The following RIMBP2 variants were observed in gnomAD, a reference collection of about 807,000 sequenced individuals.
RIMBP2 encodes RIMS binding protein 2.
RIMBP2 carries 48 observed loss-of-function variants against 118.6 expected under a neutral mutation model. That is an observed-to-expected ratio of 0.40 (90% CI 0.32 to 0.51). RIMBP2 has a LOEUF of 0.51. Ranked by LOEUF, RIMBP2 falls within the 20% of genes least tolerant of loss-of-function variation. The probability of loss-of-function intolerance (pLI) is 0.41; values close to 1 mark genes in which losing one functional copy is unlikely to be tolerated. For synonymous variants in RIMBP2, 762 were observed against 742.9 expected, an observed-to-expected ratio of 1.03 and a Z score of -0.42; for missense variants, 1,551 against 1,768.3, an observed-to-expected ratio of 0.88 and a Z score of 2.20.
rs1478962455 is a variant in RIMBP2, at chr12:130,585,930, AAG to A, written c.-217+42390_-217+42391del. On this transcript the variant is annotated intron_variant, in intron 2 of 22. Coordinates refer to ENST00000690449, the MANE Select transcript of RIMBP2 (RefSeq NM_001393629.1). ...ACTAAAAACAAAGCGTCCCTGAGAA[AAG>A]AGAGGAGGAAATGGGCCAAAGTACC... Among the ~76,000 whole-genome samples, 3 of 152,324 alleles carry A rather than the reference AAG, an allele frequency of 2.0e-5. No individual in the cohort carries two copies. The East Asian group carries it at 5.8e-4, about 29-fold the overall frequency.
chr12:130,589,586 G>A (rs1269093867), intron 2 of RIMBP2, among the ~76,000 whole-genome samples: 2 of 152,180 alleles, frequency 1.3e-5, no homozygotes, highest in Non-Finnish European at 2.9e-5. Flanking sequence ...GACGGATGGA[G>A]TGCCAGCCAT....
chr12:130,535,782 T>TATATAC (rs1491537590), intron 2 of RIMBP2, among the ~76,000 whole-genome samples: 16 of 129,936 alleles, frequency 1.2e-4, no homozygotes, highest in African/African-American at 3.9e-4. Flanking sequence ...TATATATATA[T>TATATAC]ACACATATTT....
intron 4 of RIMBP2, among the ~76,000 whole-genome samples, chr12:130,487,200 C>G (rs139545831): frequency 6.6e-6 from 1 of 152,332 alleles, no homozygotes; most frequent in Non-Finnish European, 1.5e-5. Context: ...ATGCTTGTCC[C>G]TGCATCACCA....
intron 5 of RIMBP2, among the ~76,000 whole-genome samples, chr12:130,478,647 A>G (rs1430068526): frequency 6.6e-6 from 1 of 152,206 alleles, no homozygotes; most frequent in African/African-American, 2.4e-5. Context: ...AGCCATCTCT[A>G]CGCATGTGTT....
chr12:130,436,104 G>A (rs1172077439), intron 13 of RIMBP2, among the ~76,000 whole-genome samples: 1 of 152,220 alleles, frequency 6.6e-6, no homozygotes, highest in Non-Finnish European at 1.5e-5. Flanking sequence ...GGTTCTGGGT[G>A]GGGATGCGGG....
chr12:130,510,611 G>T (rs1271700226), intron 3 of RIMBP2, among the ~76,000 whole-genome samples: 1 of 152,100 alleles, frequency 6.6e-6, no homozygotes, highest in Non-Finnish European at 1.5e-5. Flanking sequence ...TGGGGTTACA[G>T]GTGCACACCA....
intron 2 of RIMBP2, among the ~76,000 whole-genome samples, chr12:130,606,424 G>A (rs559500893): frequency 3.3e-5 from 5 of 152,282 alleles, no homozygotes; most frequent in South Asian, 2.1e-4. Flanking sequence ...GCAGGGAGTC[G>A]CGCGTCTACA....
intron 2 of RIMBP2, among the ~76,000 whole-genome samples, chr12:130,613,153 C>A (rs1357174065): frequency 6.6e-6 from 1 of 152,212 alleles, no homozygotes; most frequent in African/African-American, 2.4e-5. Flanking sequence ...AGGACACCAG[C>A]CAGAAGGCCA....
Position 130,424,639 on chromosome 12 carries a change from C to T in RIMBP2, c.2632G>A (p.Ala878Thr), listed in dbSNP as rs911396553. The T allele has an allele frequency of 1.5e-5, 19 of 1,231,926 alleles. No individual in the cohort carries two copies. In the East Asian group the frequency reaches 1.9e-4, roughly 12 times the overall value. 76.3% of individuals were successfully genotyped at this position (1,231,926 alleles called of 1,614,324 possible). A position where few individuals can be genotyped will look rare whatever the true frequency, so the allele number is the denominator to read the frequency against. ...RPGRPYRGDE[A>T]PRGSWFPVKH... is the part of the protein sequence containing the mutation. ...ACCGGGAACCAGGAGCCCCGAGGGG[C>T]CTCGTCGCCCCTGTAGGGCCTGCCG... The change falls in exon 16 of 23, where the codon GCC becomes ACC. Residue 878 changes from alanine to threonine, a missense_variant. Around this residue, in one of 5 missense-constraint regions of RIMBP2, gnomAD observed 1,038 missense variants for 1,125.1 expected, o/e 0.92. Coordinates refer to ENST00000690449, the MANE Select transcript of RIMBP2 (RefSeq NM_001393629.1). The surrounding 1 kb of genome is among the most constrained non-coding windows in gnomAD (Gnocchi z 9.8).
intron 2 of RIMBP2, among the ~76,000 whole-genome samples, chr12:130,615,148 C>A (rs2060821972): frequency 6.9e-6 from 1 of 145,432 alleles, no homozygotes; most frequent in Non-Finnish European, 1.5e-5. Context: ...TATGTATATA[C>A]ATATATATTA....
intron 4 of RIMBP2, among the ~76,000 whole-genome samples, chr12:130,489,789 T>C (rs900586440): frequency 6.6e-6 from 1 of 152,152 alleles, no homozygotes; most frequent in African/African-American, 2.4e-5. Flanking sequence ...GTCTGACCGG[T>C]AGACTGAAGG....
intron 1 of RIMBP2, among the ~76,000 whole-genome samples, chr12:130,644,628 G>C (rs145772019): frequency 6.6e-6 from 1 of 152,190 alleles, no homozygotes; most frequent in African/African-American, 2.4e-5. Context: ...CAGGAATTAC[G>C]GGAGACATTT....
intron 2 of RIMBP2, among the ~76,000 whole-genome samples, chr12:130,526,552 G>A (rs2052807165): frequency 6.6e-6 from 1 of 152,066 alleles, no homozygotes; most frequent in South Asian, 2.1e-4. Flanking sequence ...AGCGAGTTTG[G>A]GTTTTGAATT....
chr12:130,611,261 C>T (rs1031529697), intron 2 of RIMBP2, among the ~76,000 whole-genome samples: 6 of 152,234 alleles, frequency 3.9e-5, no homozygotes, highest in African/African-American at 1.4e-4. Context: ...TCTGTCCCCA[C>T]GTCCCCCAGA....
chr12:130,534,380 G>A (rs1334520976), intron 2 of RIMBP2, among the ~76,000 whole-genome samples: 4 of 151,920 alleles, frequency 2.6e-5, no homozygotes, highest in African/African-American at 9.7e-5. Flanking sequence ...TTGGGAGGCC[G>A]AGGTGGGAGG....
At chr12:130,444,530 C>A (rs1314483917) in intron 10 of RIMBP2, among the ~76,000 whole-genome samples, 5 of 152,210 alleles carry the variant, frequency 3.3e-5, no homozygotes, top group African/African-American at 7.2e-5. Context: ...ATTAGGGAAT[C>A]AAATCCTTTA....
At chr12:130,530,192 T>C (rs2053219850) in intron 2 of RIMBP2, among the ~76,000 whole-genome samples, 1 of 152,162 alleles carries the variant, frequency 6.6e-6, no homozygotes, top group African/African-American at 2.4e-5. Flanking sequence ...AACAACAATC[T>C]GCGCCAATAC....
rs1310041161 is a variant in RIMBP2, at chr12:130,561,490, CCTT to C, written c.-216-43576_-216-43574del. ...CAAGGTACCCCAAACCCAATTTCCA[CCTT>C]CTTCTTAATTGCAGGAGTTTGTAAG... is the stretch of plus-strand genomic sequence containing the variant. On this transcript the variant is annotated intron_variant, in intron 2 of 22. Coordinates refer to ENST00000690449, the MANE Select transcript of RIMBP2 (RefSeq NM_001393629.1). 3.3e-5 allele frequency among the ~76,000 whole-genome samples: 5 copies of C among 152,132 alleles called. No homozygotes were observed. The East Asian group carries it at 7.7e-4, about 24-fold the overall frequency.
chr12:130,569,685 TTC>T (rs1373611150), intron 2 of RIMBP2, among the ~76,000 whole-genome samples: 1 of 152,256 alleles, frequency 6.6e-6, no homozygotes, highest in South Asian at 2.1e-4. Flanking sequence ...CCCCTCCCTC[TTC>T]TCTCTCGCTC....
Sources: allele counts gnomAD v4.1 joint callset (sites outside exome capture counted in the v4.1 genomes callset), GRCh38; gene constraint gnomAD v4.1.1; regional missense constraint gnomAD v4.1.1; non-coding constraint Gnocchi (gnomAD v3.1); transcripts MANE v1.5; gene names NCBI Gene and HGNC (gene_info 2026-07-23, HGNC 2026-07-21).